RIN2: variants seen among roughly 807,000 people sequenced by gnomAD.
RIN2 encodes Ras and Rab interactor 2.
In RIN2, 36 loss-of-function variants were observed where a neutral mutation model predicts 78.0. The observed-to-expected ratio is 0.46, with a 90% CI of 0.35 to 0.61. The LOEUF (loss-of-function observed/expected upper bound fraction) is 0.61, where lower values mean the gene tolerates loss of function less well. RIN2 is among the 20% of genes least tolerant of loss of function. The pLI is 0.00. For missense variants in RIN2, 1,087 were observed against 1,159.7 expected, an observed-to-expected ratio of 0.94 and a Z score of 0.91; for synonymous variants, 466 against 466.8, an observed-to-expected ratio of 1.00 and a Z score of 0.02.
chr20:19,862,205 A>G (rs1350922193), intron 2 of RIN2, among the ~76,000 whole-genome samples: 1 of 152,180 alleles, frequency 6.6e-6, no homozygotes, highest in Admixed American at 6.5e-5. Flanking sequence ...TATACAATAG[A>G]TATCCATGGT....
intron 2 of RIN2, among the ~76,000 whole-genome samples, chr20:19,863,139 A>G (rs571692619): frequency 1.3e-5 from 2 of 152,334 alleles, no homozygotes; most frequent in East Asian, 3.9e-4. Context: ...ATGTGTGTGC[A>G]AGAAGAAAGG....
At chr20:19,881,790 G>A (rs1183357174) in intron 2 of RIN2, among the ~76,000 whole-genome samples, 2 of 152,076 alleles carry the variant, frequency 1.3e-5, no homozygotes, top group African/African-American at 4.8e-5. Context: ...CTTTGTTTAT[G>A]TTCTTTACTC....
chr20:19,866,948 CAT>C (rs1431431861), intron 2 of RIN2, among the ~76,000 whole-genome samples: 4 of 152,096 alleles, frequency 2.6e-5, no homozygotes, highest in Admixed American at 6.6e-5. Flanking sequence ...TTTCAACACA[CAT>C]GTTAGTGTTT....
intron 4 of RIN2, among the ~76,000 whole-genome samples, chr20:19,938,900 T>C (rs6136892): frequency 6.6e-6 from 1 of 152,134 alleles, no homozygotes; most frequent in Non-Finnish European, 1.5e-5. Flanking sequence ...TCAGGAAGTG[T>C]TCCTTCATAG....
intron 2 of RIN2, among the ~76,000 whole-genome samples, chr20:19,883,348 T>TC (rs1217095455): frequency 6.6e-6 from 1 of 151,050 alleles, no homozygotes; most frequent in East Asian, 1.9e-4. Context: ...TTTTTTTTTT[T>TC]TTTTTTTTTT....
chr20:19,823,633 A>T, intron 2 of RIN2: 1 of 1,553,244 alleles, frequency 6.4e-7, no homozygotes, highest in Non-Finnish European at 8.8e-7. Flanking sequence ...ATCAAAAGTG[A>T]TATTCCCACT....
At chr20:19,785,382 C>A (rs987475216) in intron 1 of RIN2, among the ~76,000 whole-genome samples, 1 of 152,034 alleles carries the variant, frequency 6.6e-6, no homozygotes, top group African/African-American at 2.4e-5. Flanking sequence ...AAAAACCCAA[C>A]CTTTAATAAA....
In RIN2 at chr20:19,889,647, A is replaced by G; in HGVS notation, c.46A>G (p.Ser16Gly). The G allele has an allele frequency of 6.6e-7, 1 of 1,517,520 alleles. No homozygotes were observed. The highest frequency in any genetic ancestry group is 1.3e-5 in the South Asian group (1 of 79,002). The allele number at this position is 1,517,520 out of a possible 1,614,324, so 94.0% of individuals were successfully genotyped here. ...CGCCCGCGGTCTGGACAAGCGAGGAAGTTTCTTTAAGGTAAAAGGAAGCCT... is the reference window on the plus strand; with the variant it reads ...CGCCCGCGGTCTGGACAAGCGAGGAGGTTTCTTTAAGGTAAAAGGAAGCCT... The part of the protein sequence containing the change: ...MGARGLDKRG[S>G]FFKLIDTIAS... The change falls in exon 3 of 13, where the codon AGT (serine) becomes GGT (glycine). Residue 16 changes from serine to glycine, a missense_variant. By Grantham distance (56) the Ser-to-Gly change is moderately conservative. Coordinates refer to ENST00000255006, the MANE Select transcript of RIN2 (RefSeq NM_018993.4).
At chr20:19,859,083 T>C (rs553508746) in intron 2 of RIN2, among the ~76,000 whole-genome samples, 1 of 152,324 alleles carries the variant, frequency 6.6e-6, no homozygotes, top group South Asian at 2.1e-4. Context: ...AGGGAGAAAA[T>C]ACTTCCATGC....
chr20:19,772,552 A>T, intron 1 of RIN2, among the ~76,000 whole-genome samples: 1 of 152,164 alleles, frequency 6.6e-6, no homozygotes, highest in Non-Finnish European at 1.5e-5. Context: ...AACCATGCTG[A>T]TCTTGGGTTT....
At chr20:19,896,859 G>A (rs538703886) in intron 3 of RIN2, among the ~76,000 whole-genome samples, 4 of 151,956 alleles carry the variant, frequency 2.6e-5, no homozygotes, top group South Asian at 2.1e-4. Context: ...GAAAACAAGT[G>A]GAATTAATGT....
At chr20:19,783,647 C>A (rs920431670) in intron 1 of RIN2, among the ~76,000 whole-genome samples, 1 of 152,014 alleles carries the variant, frequency 6.6e-6, no homozygotes, top group African/African-American at 2.4e-5. Flanking sequence ...CCCAGGAAAC[C>A]CCTAGGAAAG....
chr20:19,972,661 C>T (rs992088332), intron 8 of RIN2, among the ~76,000 whole-genome samples: 4 of 152,184 alleles, frequency 2.6e-5, no homozygotes, highest in Non-Finnish European at 5.9e-5. Context: ...CCTCTCACTC[C>T]CTGTGCCTGT....
At chr20:19,935,504 G>A in intron 4 of RIN2, 2 of 1,117,960 alleles carry the variant, frequency 1.8e-6, no homozygotes, top group Non-Finnish European at 2.2e-6. Flanking sequence ...CAGTAATGCA[G>A]CAAGATCCAG....
intron 10 of RIN2, among the ~76,000 whole-genome samples, chr20:19,991,185 G>T (rs747816931): frequency 6.6e-6 from 1 of 152,190 alleles, no homozygotes; most frequent in African/African-American, 2.4e-5. Context: ...TTTGGGAATT[G>T]TTGAGTGAAG....
intron 7 of RIN2, 46 bp from the exon 8 acceptor site, chr20:19,970,792 A>C (rs1294912844): frequency 2.1e-6 from 3 of 1,402,600 alleles, no homozygotes; most frequent in Admixed American, 1.8e-5. Context: ...CAAGATAGAA[A>C]GCAGACATGT....
At chr20:19,995,961 C>G (rs963471641) in intron 11 of RIN2, among the ~76,000 whole-genome samples, 1 of 152,138 alleles carries the variant, frequency 6.6e-6, no homozygotes, top group African/African-American at 2.4e-5. Flanking sequence ...ACTTTCCCCC[C>G]ACCTCCCCGT....
At chr20:19,817,458 C>T (rs1017677170) in intron 2 of RIN2, among the ~76,000 whole-genome samples, 6 of 152,002 alleles carry the variant, frequency 3.9e-5, no homozygotes, top group Admixed American at 6.6e-5. Context: ...TCCTAAAGGC[C>T]CTACCTCTTA....
At chr20:19,916,012 C>T (rs755849286) in intron 3 of RIN2, among the ~76,000 whole-genome samples, 8 of 152,116 alleles carry the variant, frequency 5.3e-5, no homozygotes, top group Non-Finnish European at 8.8e-5. Flanking sequence ...GAGGCCGAGG[C>T]GAGTGGATCA....
Sources: gnomAD v4.1 joint callset for allele counts (sites outside exome capture counted in the v4.1 genomes callset) on GRCh38, gnomAD v4.1.1 for gene constraint, MANE v1.5 for transcripts, NCBI Gene and HGNC (gene_info 2026-07-23, HGNC 2026-07-21) for gene names.